H2AC21: variants seen among roughly 807,000 people sequenced by gnomAD.
The protein encoded by H2AC21 is H2A clustered histone 21.
In H2AC21, 3 loss-of-function variants were observed where a neutral mutation model predicts 7.7. That is an observed-to-expected ratio of 0.39 (90% CI 0.18 to 1.01). The LOEUF is 1.01. Ranked by LOEUF, H2AC21 falls within the 50% of genes least tolerant of loss-of-function variation. The probability of loss-of-function intolerance (pLI) is 0.36; values close to 1 mark genes in which losing one functional copy is unlikely to be tolerated. For missense variants in H2AC21, 173 were observed against 177.9 expected, an observed-to-expected ratio of 0.97 and a Z score of 0.16; for synonymous variants, 119 against 84.2, an observed-to-expected ratio of 1.41 and a Z score of -2.26.
At position 149,887,658 on chromosome 1, in the gene H2AC21, C is replaced by A; in HGVS notation, c.259G>T (p.Ala87Ser). 1 of 1,614,226 alleles carries A rather than the reference C, an allele frequency of 6.2e-7. No homozygotes were observed. The highest frequency in any genetic ancestry group is 1.1e-5 in the South Asian group (1 of 91,082). Residue 87 changes from alanine (A) to serine (S), a missense_variant, in exon 1 of 1, where the codon GCC (alanine) becomes TCC (serine). Physicochemically the swap from Ala to Ser is moderately conservative, Grantham distance 99. Coordinates refer to ENST00000331128, the MANE Select transcript of H2AC21 (RefSeq NM_175065.3). The stretch of plus-strand genomic sequence containing the variant: ...TTGAGCTCTTCGTCATTCCTCACGG[C>A]TAGTTGCAGATGGCGAGGGATGATG... ...TRIIPRHLQL[A>S]VRNDEELNKL...
rs1248248284 is a variant in H2AC21, at chr1:149,887,763, G to A, written c.154C>T (p.Leu52=). ...GTCAGGTACTCGAGGACCGCCGCCA[G>A]GTACACCGGGGCGCCTGCCCCGACC... The part of the protein sequence containing the change: ...ERVGAGAPVY[L]AAVLEYLTAE... The change falls in exon 1 of 1, where the codon CTG becomes TTG. Residue 52 remains leucine, a synonymous_variant. Coordinates refer to ENST00000331128, the MANE Select transcript of H2AC21 (RefSeq NM_175065.3). 2 of 1,614,030 alleles carry A rather than the reference G, an allele frequency of 1.2e-6. No individual in the cohort carries two copies. The highest frequency in any genetic ancestry group is 2.7e-5 in the African/African-American group (2 of 74,942).
chr1:149,887,911 T>G lies in H2AC21; in HGVS notation c.6A>C (p.Ser2=), dbSNP rs368577226. 8.7e-6 allele frequency: 14 copies of G among 1,610,140 alleles called. No homozygotes were observed. Among genetic ancestry groups the G allele is most frequent in the Non-Finnish European group, 1.2e-5 (14 of 1,178,256 alleles). ...CCTTGCCTCCCTGCTTTCCGCGTCCTGACATTACGGCTAAAATTGCAGTTA... is the reference window on the plus strand; with the variant it reads ...CCTTGCCTCCCTGCTTTCCGCGTCCGGACATTACGGCTAAAATTGCAGTTA... M[S]GRGKQGGKAR... The change falls in exon 1 of 1, where the codon TCA becomes TCC. Residue 2 remains serine (S), a synonymous_variant. Transcript: ENST00000331128.
rs2092315821 is a variant in H2AC21 at position 149,887,656 on chromosome 1, G to A, written c.261C>T (p.Ala87=). ...TGTTGAGCTCTTCGTCATTCCTCACGGCTAGTTGCAGATGGCGAGGGATGA... is the reference window on the plus strand; with the variant it reads ...TGTTGAGCTCTTCGTCATTCCTCACAGCTAGTTGCAGATGGCGAGGGATGA... ...TRIIPRHLQL[A]VRNDEELNKL... Residue 87 remains alanine, a synonymous_variant, in exon 1 of 1, where the codon GCC becomes GCT. Transcript: ENST00000331128. The A allele has an allele frequency of 6.2e-7, 1 of 1,614,076 alleles. No individual in the cohort carries two copies.
chr1:149,887,787 CCCGCT>C lies in H2AC21; in HGVS notation c.125_129del (p.Glu42GlyfsTer48). ...AGGTACACCGGGGCGCCTGCCCCGACCCGCTCCGCGTAGTTGCCTTTGCGCAGCAA... is the reference window on the plus strand; with the variant it reads ...AGGTACACCGGGGCGCCTGCCCCGACCCGCGTAGTTGCCTTTGCGCAGCAA... On this transcript the variant is annotated frameshift_variant, in exon 1 of 1. Transcript: ENST00000331128. LOFTEE classifies it high-confidence loss of function. The C allele has an allele frequency of 2.5e-6, 4 of 1,614,090 alleles. No individual in the cohort carries two copies. Among genetic ancestry groups the C allele is most frequent in the Non-Finnish European group, 3.4e-6 (4 of 1,179,994 alleles).
At position 149,887,801 on chromosome 1, in the gene H2AC21, T is replaced by C. The variant is rs1553760154; in HGVS notation, c.116A>G (p.Asn39Ser). 4 of 1,614,038 alleles carry C rather than the reference T, an allele frequency of 2.5e-6. No homozygotes were observed. The highest frequency in any genetic ancestry group is 1.7e-5 in the Admixed American group (1 of 60,014). Residue 39 changes from asparagine to serine, a missense_variant, in exon 1 of 1, where the codon AAC (asparagine) becomes AGC (serine). Coordinates refer to ENST00000331128, the MANE Select transcript of H2AC21 (RefSeq NM_175065.3). Reference sequence around the variant, plus strand: ...GCCTGCCCCGACCCGCTCCGCGTAGTTGCCTTTGCGCAGCAAGCGGTGCAC... The same window carrying C: ...GCCTGCCCCGACCCGCTCCGCGTAGCTGCCTTTGCGCAGCAAGCGGTGCAC... ...GRVHRLLRKG[N>S]YAERVGAGAP...
rs782688416 is a variant in H2AC21, at chr1:149,887,836, C to A, written c.81G>T (p.Pro27=). ...SRSSRAGLQF[P]VGRVHRLLRK... ...GCAGCAAGCGGTGCACTCGCCCCAC[C>A]GGGAACTGGAGACCAGCGCGGGACG... The change falls in exon 1 of 1, where the codon CCG becomes CCT. Residue 27 remains proline, a synonymous_variant. Coordinates refer to ENST00000331128, the MANE Select transcript of H2AC21 (RefSeq NM_175065.3). 1.2e-6 allele frequency: 2 copies of A among 1,614,018 alleles called. No individual in the cohort carries two copies. Among genetic ancestry groups the A allele is most frequent in the Non-Finnish European group, 1.7e-6 (2 of 1,179,936 alleles).
At position 149,887,771 on chromosome 1, in the gene H2AC21, G is replaced by C. The variant is rs782198898; in HGVS notation, c.146C>G (p.Pro49Arg). 1.5e-5 allele frequency: 25 copies of C among 1,614,146 alleles called. No homozygotes were observed. The highest frequency in any genetic ancestry group is 2.1e-5 in the Non-Finnish European group (25 of 1,180,016). Residue 49 changes from proline to arginine, a missense_variant, in exon 1 of 1, where the codon CCG (proline) becomes CGG (arginine). Transcript: ENST00000331128. ...NYAERVGAGA[P>R]VYLAAVLEYL... ...CTCGAGGACCGCCGCCAGGTACACC[G>C]GGGCGCCTGCCCCGACCCGCTCCGC...
rs1278118495 is a variant in H2AC21 at position 149,887,878 on chromosome 1, A to G, written c.39T>C (p.Ala13=). 1.8e-5 allele frequency: 29 copies of G among 1,613,122 alleles called. No homozygotes were observed. Among genetic ancestry groups the G allele is most frequent in the South Asian group, 2.2e-5 (2 of 90,924 alleles). ...GRGKQGGKAR[A]KAKSRSSRAG... ...CGCGGGACGAGCGCGACTTGGCCTT[A>G]GCGCGGGCCTTGCCTCCCTGCTTTC... Residue 13 remains alanine (A), a synonymous_variant, in exon 1 of 1, where the codon GCT becomes GCC. Coordinates refer to ENST00000331128, the MANE Select transcript of H2AC21 (RefSeq NM_175065.3).
rs1452127784 is a variant in H2AC21 at position 149,887,492 on chromosome 1, G to A, written c.*32C>T. 1.1e-5 allele frequency: 18 copies of A among 1,585,966 alleles called. No homozygotes were observed. Among genetic ancestry groups the A allele is most frequent in the Non-Finnish European group, 1.5e-5 (18 of 1,166,446 alleles). On this transcript the variant is annotated 3_prime_UTR_variant, in exon 1 of 1. Coordinates refer to ENST00000331128, the MANE Select transcript of H2AC21 (RefSeq NM_175065.3). Reference sequence around the variant, plus strand: ...TTTGGTGGCTCTTAAAAGAGCCTTTGGGGTGAATGAGTATGGTGTCAAGCC... The same window carrying A: ...TTTGGTGGCTCTTAAAAGAGCCTTTAGGGTGAATGAGTATGGTGTCAAGCC...
In H2AC21 at chr1:149,887,562, T is replaced by C; in HGVS notation, c.355A>G (p.Lys119Glu). ...CCAGGCTTGTGACTCTCCGTTTTCT[T>C]GGGCAACAGGACAGCCTGGATATTG... ...LPNIQAVLLP[K>E]KTESHKPGKN... The change falls in exon 1 of 1, where the codon AAG becomes GAG. Residue 119 changes from lysine (K) to glutamate (E), a missense_variant. Coordinates refer to ENST00000331128, the MANE Select transcript of H2AC21 (RefSeq NM_175065.3). 1.2e-6 allele frequency: 2 copies of C among 1,613,752 alleles called. No homozygotes were observed. The highest frequency in any genetic ancestry group is 1.7e-6 in the Non-Finnish European group (2 of 1,179,834).
Position 149,887,802 on chromosome 1 carries a change from T to C in H2AC21, c.115A>G (p.Asn39Asp), listed in dbSNP as rs2092317649. The C allele has an allele frequency of 6.2e-7, 1 of 1,614,036 alleles. No individual in the cohort carries two copies. The highest frequency in any genetic ancestry group is 8.5e-7 in the Non-Finnish European group (1 of 1,179,960). Reference sequence around the variant, plus strand: ...CCTGCCCCGACCCGCTCCGCGTAGTTGCCTTTGCGCAGCAAGCGGTGCACT... The same window carrying C: ...CCTGCCCCGACCCGCTCCGCGTAGTCGCCTTTGCGCAGCAAGCGGTGCACT... ...GRVHRLLRKG[N>D]YAERVGAGAP... The change falls in exon 1 of 1, where the codon AAC becomes GAC. Residue 39 changes from asparagine (N) to aspartate (D), a missense_variant. Transcript: ENST00000331128.
rs1553760043 is a variant in H2AC21 at position 149,887,527 on chromosome 1, C to T, written c.390G>A (p.Lys130=). The change falls in exon 1 of 1, where the codon AAG becomes AAA. Residue 130 remains lysine, a synonymous_variant. Coordinates refer to ENST00000331128, the MANE Select transcript of H2AC21 (RefSeq NM_175065.3). ...KTESHKPGKN[K] is the part of the protein sequence containing the mutation. ...AGTATGGTGTCAAGCCTCTTAATTACTTGTTCTTGCCAGGCTTGTGACTCT... is the reference window on the plus strand; with the variant it reads ...AGTATGGTGTCAAGCCTCTTAATTATTTGTTCTTGCCAGGCTTGTGACTCT... The T allele has an allele frequency of 6.2e-6, 10 of 1,609,630 alleles. No individual in the cohort carries two copies. The East Asian group carries it at 2.0e-4, about 32-fold the overall frequency.
chr1:149,887,702 C>G lies in H2AC21; in HGVS notation c.215G>C (p.Arg72Pro). Residue 72 changes from arginine (R) to proline (P), a missense_variant, in exon 1 of 1, where the codon CGG becomes CCG. Physicochemically the swap from Arg to Pro is moderately radical, Grantham distance 103. Coordinates refer to ENST00000331128, the MANE Select transcript of H2AC21 (RefSeq NM_175065.3). ...GATGATGCGCGTCTTCTTGTTGTCC[C>G]GAGCCGCGTTGCCCGCCAGCTCCAG... ...EILELAGNAA[R>P]DNKKTRIIPR... The G allele has an allele frequency of 6.2e-7, 1 of 1,614,208 alleles. No individual in the cohort carries two copies. Among genetic ancestry groups the G allele is most frequent in the Non-Finnish European group, 8.5e-7 (1 of 1,180,038 alleles).
chr1:149,887,872 G>A lies in H2AC21; in HGVS notation c.45C>T (p.Ala15=), dbSNP rs2092318605. The A allele has an allele frequency of 6.2e-7, 1 of 1,613,754 alleles. No homozygotes were observed. The highest frequency in any genetic ancestry group is 1.1e-5 in the South Asian group (1 of 91,020). Residue 15 remains alanine, a synonymous_variant, in exon 1 of 1, where the codon GCC becomes GCT. Coordinates refer to ENST00000331128, the MANE Select transcript of H2AC21 (RefSeq NM_175065.3). ...GKQGGKARAK[A]KSRSSRAGLQ... ...GACCAGCGCGGGACGAGCGCGACTT[G>A]GCCTTAGCGCGGGCCTTGCCTCCCT... is the stretch of plus-strand genomic sequence containing the variant.
At position 149,887,737 on chromosome 1, in the gene H2AC21, G is replaced by A; in HGVS notation, c.180C>T (p.Thr60=). 1 of 1,614,232 alleles carries A rather than the reference G, an allele frequency of 6.2e-7. No individual in the cohort carries two copies. Among genetic ancestry groups the A allele is most frequent in the South Asian group, 1.1e-5 (1 of 91,092 alleles). ...TGCCCGCCAGCTCCAGAATTTCCGC[G>A]GTCAGGTACTCGAGGACCGCCGCCA... ...VYLAAVLEYL[T]AEILELAGNA... Residue 60 remains threonine, a synonymous_variant, in exon 1 of 1, where the codon ACC becomes ACT. Coordinates refer to ENST00000331128, the MANE Select transcript of H2AC21 (RefSeq NM_175065.3).
At position 149,887,665 on chromosome 1, in the gene H2AC21, C is replaced by T. The variant is rs2092315905; in HGVS notation, c.252G>A (p.Leu84=). The change falls in exon 1 of 1, where the codon CTG becomes CTA. Residue 84 remains leucine, a synonymous_variant. Coordinates refer to ENST00000331128, the MANE Select transcript of H2AC21 (RefSeq NM_175065.3). ...CTTCGTCATTCCTCACGGCTAGTTG[C>T]AGATGGCGAGGGATGATGCGCGTCT... is the stretch of plus-strand genomic sequence containing the variant. The part of the protein sequence containing the change: ...NKKTRIIPRH[L]QLAVRNDEEL... 1 of 1,614,206 alleles carries T rather than the reference C, an allele frequency of 6.2e-7. No homozygotes were observed.
chr1:149,887,526 A>C lies in H2AC21; in HGVS notation c.391T>G (p.Ter131GluextTer?), dbSNP rs782694721. Residue 131 changes from the stop codon to glutamate, a stop_lost, in exon 1 of 1, where the codon TAA (stop) becomes GAA (glutamate). Transcript: ENST00000331128. Reference protein sequence around the residue: ...TESHKPGKNK* With the variant: ...TESHKPGKNKE The stretch of plus-strand genomic sequence containing the variant: ...GAGTATGGTGTCAAGCCTCTTAATT[A>C]CTTGTTCTTGCCAGGCTTGTGACTC... 7.5e-6 allele frequency: 12 copies of C among 1,609,914 alleles called. No individual in the cohort carries two copies. In the South Asian group the frequency reaches 1.3e-4, roughly 18 times the overall value.
At position 149,887,919 on chromosome 1, in the gene H2AC21, C is replaced by CTGAAATCAA. The variant is rs782393474; in HGVS notation, c.-4_-3insTTGATTTCA. The CTGAAATCAA allele has an allele frequency of 6.2e-7, 1 of 1,606,444 alleles. No homozygotes were observed. On this transcript the variant is annotated 5_prime_UTR_variant, in exon 1 of 1. Coordinates refer to ENST00000331128, the MANE Select transcript of H2AC21 (RefSeq NM_175065.3). ...CCCTGCTTTCCGCGTCCTGACATTA[C>CTGAAATCAA]GGCTAAAATTGCAGTTACAGCTTCT...
At position 149,887,931 on chromosome 1, in the gene H2AC21, C is replaced by T. The variant is rs1553760199; in HGVS notation, c.-15G>A. On this transcript the variant is annotated 5_prime_UTR_variant, in exon 1 of 1. Coordinates refer to ENST00000331128, the MANE Select transcript of H2AC21 (RefSeq NM_175065.3). ...CGTCCTGACATTACGGCTAAAATTG[C>T]AGTTACAGCTTCTTTTACAAGGAGA... 3 of 1,600,930 alleles carry T rather than the reference C, an allele frequency of 1.9e-6. No individual in the cohort carries two copies. The African/African-American group carries it at 4.0e-5, about 21-fold the overall frequency.
Sources: allele counts gnomAD v4.1 joint callset, GRCh38; gene constraint gnomAD v4.1.1; transcripts MANE v1.5; gene names NCBI Gene and HGNC (gene_info 2026-07-23, HGNC 2026-07-21).